Variants in SPRY3 observed in about 807,000 individuals in gnomAD.
SPRY3 encodes the protein protein sprouty homolog 3.
A neutral mutation model predicts 20.2 loss-of-function variants in SPRY3; 15 were observed. That is an observed-to-expected ratio of 0.74 (90% CI 0.50 to 1.14). The LOEUF is 1.14. SPRY3 is among the 50% of genes most tolerant of loss of function. The pLI, the probability that SPRY3 is intolerant of heterozygous loss-of-function variation, is 0.00. For synonymous variants in SPRY3, 143 were observed against 136.5 expected, an observed-to-expected ratio of 1.05 and a Z score of -0.33; for missense variants, 364 against 363.9, an observed-to-expected ratio of 1.00 and a Z score of 0.00.
At chrX:155,637,719 C>G (rs1487011721) in intron 1 of SPRY3, among the ~76,000 whole-genome samples, 2 of 111,681 alleles carry the variant, frequency 1.8e-5, no homozygotes, top group African/African-American at 3.3e-5. Context: ...TTTGTTCCCC[C>G]CTAGGAGTGG....
At chrX:155,685,160 A>G (rs2068083897) in intron 2 of SPRY3, among the ~76,000 whole-genome samples, 1 of 111,432 alleles carries the variant, frequency 9.0e-6, no homozygotes, top group African/African-American at 3.3e-5. Flanking sequence ...TTCAACCATT[A>G]TTTCTTCAAA....
chrX:155,771,043 G>A (rs2091377490), intron 3 of SPRY3, among the ~76,000 whole-genome samples: 1 of 152,158 alleles, frequency 6.6e-6, no homozygotes, highest in South Asian at 2.1e-4. Flanking sequence ...AGAGCAGGAA[G>A]AAACCTTCTA....
chrX:155,711,031 G>T (rs1247652372), intron 2 of SPRY3, among the ~76,000 whole-genome samples: 5 of 151,616 alleles, frequency 3.3e-5, no homozygotes, highest in Non-Finnish European at 7.4e-5. Context: ...CATGATAAAT[G>T]ATCTTCTCAG....
At chrX:155,660,319 C>T (rs1557353546) in intron 2 of SPRY3, among the ~76,000 whole-genome samples, 1 of 111,941 alleles carries the variant, frequency 8.9e-6, no homozygotes, top group East Asian at 2.8e-4. Flanking sequence ...TTTTCATTTA[C>T]TTGAATAGTT....
At chrX:155,732,661 A>C (rs1461954087) in intron 2 of SPRY3, among the ~76,000 whole-genome samples, 1 of 151,938 alleles carries the variant, frequency 6.6e-6, no homozygotes, top group East Asian at 1.9e-4. Flanking sequence ...ATATACCCAA[A>C]GGAAAAGAAA....
intron 1 of SPRY3, among the ~76,000 whole-genome samples, chrX:155,634,662 A>AT (rs1244379525): frequency 9.1e-6 from 1 of 110,315 alleles, no homozygotes; most frequent in Admixed American, 9.7e-5. Flanking sequence ...AAAAATAATT[A>AT]TTTTTTACAT....
intron 2 of SPRY3, among the ~76,000 whole-genome samples, chrX:155,747,792 G>GTCTCAATA (rs1177789694): frequency 4.0e-5 from 6 of 151,834 alleles, no homozygotes; most frequent in African/African-American, 1.4e-4. Flanking sequence ...AAACGTTATT[G>GTCTCAATA]AGACACTCTA....
At chrX:155,720,234 T>C in intron 2 of SPRY3, among the ~76,000 whole-genome samples, 1 of 151,616 alleles carries the variant, frequency 6.6e-6, no homozygotes. Flanking sequence ...GAGGGAAGAG[T>C]GGGAAGGACC....
rs749530944 is a variant in SPRY3, at chrX:155,716,981, AATATATATATATAT to A, written c.-281-50963_-281-50950del. On this transcript the variant is annotated intron_variant, in intron 2 of 3. Transcript: ENST00000675360. ...AAACCCTGTTTCCACTAAAATACAA[AATATATATATATAT>A]ATATATATATATATATAGCTGGGCG... 4.9e-4 allele frequency among the ~76,000 whole-genome samples: 31 copies of A among 63,482 alleles called. 1 individual carries two copies. The highest frequency in any genetic ancestry group is 2.0e-3 in the African/African-American group (27 of 13,730). The allele number at this position is 63,482 out of a possible 152,430, so 41.6% of individuals were successfully genotyped here.
intron 1 of SPRY3, among the ~76,000 whole-genome samples, chrX:155,639,032 C>T (rs2067933273): frequency 9.0e-6 from 1 of 111,642 alleles, no homozygotes; most frequent in Non-Finnish European, 1.9e-5. Flanking sequence ...CAACTGCTTC[C>T]TCCTTTTGTC....
chrX:155,711,497 A>G (rs780975078), intron 2 of SPRY3, among the ~76,000 whole-genome samples: 1 of 139,014 alleles, frequency 7.2e-6, no homozygotes, highest in Admixed American at 7.1e-5. Context: ...ATCAGTTGCT[A>G]TGTCTTTGTG....
At chrX:155,755,062 G>A (rs963226989) in intron 2 of SPRY3, among the ~76,000 whole-genome samples, 26 of 142,370 alleles carry the variant, frequency 1.8e-4, no homozygotes, top group African/African-American at 7.3e-4. Flanking sequence ...ATACTCACAC[G>A]TGCGTGCACA....
At chrX:155,672,099 C>T (rs2068042584) in intron 2 of SPRY3, among the ~76,000 whole-genome samples, 1 of 111,631 alleles carries the variant, frequency 9.0e-6, no homozygotes, top group Non-Finnish European at 1.9e-5. Flanking sequence ...CAGCTTTGTT[C>T]TGTTGGCTTA....
intron 2 of SPRY3, among the ~76,000 whole-genome samples, chrX:155,704,806 A>C (rs2090938303): frequency 6.6e-6 from 1 of 151,732 alleles, no homozygotes; most frequent in Non-Finnish European, 1.5e-5. Flanking sequence ...AAAAAAGATA[A>C]TAACAGCAGA....
chrX:155,646,105 G>A (rs1262598842), intron 1 of SPRY3, among the ~76,000 whole-genome samples: 1 of 112,296 alleles, frequency 8.9e-6, no homozygotes, highest in Non-Finnish European at 1.9e-5. Context: ...TTAATCGACT[G>A]TATGTGCATG....
intron 2 of SPRY3, among the ~76,000 whole-genome samples, chrX:155,720,962 C>A (rs2091053683): frequency 6.6e-6 from 1 of 152,132 alleles, no homozygotes; most frequent in African/African-American, 2.4e-5. Context: ...GGGACCAATC[C>A]TGGAGAAACA....
At chrX:155,779,999 A>T (rs700447), downstream of SPRY3, 7 of 166,792 alleles carry the variant, frequency 4.2e-5, no homozygotes, top group East Asian at 1.2e-3. Flanking sequence ...TGACACTACC[A>T]GTGTTGCTGC....
intron 2 of SPRY3, among the ~76,000 whole-genome samples, chrX:155,726,516 A>T (rs945606972): frequency 2.6e-5 from 4 of 152,172 alleles, no homozygotes; most frequent in Non-Finnish European, 5.9e-5. Flanking sequence ...TAATGGGTGC[A>T]TATATATTTA....
intron 2 of SPRY3, chrX:155,767,704 G>GAGGCGGAGGAGGAGA (rs1569399882): frequency 7.6e-6 from 1 of 131,984 alleles, no homozygotes; most frequent in African/African-American, 2.7e-5. Flanking sequence ...GGAGGAGAAA[G>GAGGCGGAGGAGGAGA]AAGAGGAGGA....
Sources: gnomAD v4.1 joint callset for allele counts (sites outside exome capture counted in the v4.1 genomes callset) on GRCh38, gnomAD v4.1.1 for gene constraint, MANE v1.5 for transcripts, NCBI Gene and HGNC (gene_info 2026-07-23, HGNC 2026-07-21) for gene names.